NLGN1: variants seen among roughly 807,000 people sequenced by gnomAD.
NLGN1 encodes neuroligin-1.
NLGN1 carries 12 observed loss-of-function variants against 65.5 expected under a neutral mutation model. The ratio of observed to expected loss-of-function variants is 0.18; its 90% CI spans 0.12 to 0.30. NLGN1 has a LOEUF of 0.30. Ranked by LOEUF, NLGN1 falls within the 10% of genes least tolerant of loss-of-function variation. The probability of loss-of-function intolerance (pLI) is 1.00; values close to 1 mark genes in which losing one functional copy is unlikely to be tolerated. For missense variants in NLGN1, 750 were observed against 1,007.1 expected (o/e 0.74, Z 3.46); for synonymous variants, 350 against 359.5 (o/e 0.97, Z 0.30).
chr3:174,152,014 C>T (rs1444526827), intron 4 of NLGN1, among the ~76,000 whole-genome samples: 1 of 152,070 alleles, frequency 6.6e-6, no homozygotes, highest in Non-Finnish European at 1.5e-5. Flanking sequence ...TACCAAAACA[C>T]CTTTGCGTAT....
At chr3:173,729,957 T>A (rs1163018075) in intron 3 of NLGN1, among the ~76,000 whole-genome samples, 2 of 152,102 alleles carry the variant, frequency 1.3e-5, no homozygotes, top group African/African-American at 4.8e-5. Context: ...TCTGAATAGG[T>A]CAGTGAGGCA....
At chr3:173,514,474 G>T (rs1031978062) in intron 2 of NLGN1, among the ~76,000 whole-genome samples, 1 of 152,026 alleles carries the variant, frequency 6.6e-6, no homozygotes, top group African/African-American at 2.4e-5. Flanking sequence ...TTGTGAGTGA[G>T]AATTTATTTA....
intron 4 of NLGN1, among the ~76,000 whole-genome samples, chr3:173,837,983 C>T (rs776292642): frequency 2.6e-5 from 4 of 152,042 alleles, no homozygotes; most frequent in Non-Finnish European, 4.4e-5. Context: ...ACAAATGGCA[C>T]ACTTAAAGCT....
At chr3:174,000,285 C>T (rs980062108) in intron 4 of NLGN1, among the ~76,000 whole-genome samples, 3 of 152,154 alleles carry the variant, frequency 2.0e-5, no homozygotes, top group Non-Finnish European at 2.9e-5. Context: ...ATCCAATTTA[C>T]AGCAACTTGA....
intron 4 of NLGN1, among the ~76,000 whole-genome samples, chr3:174,076,716 AGAGAGAGAGTGTGT>A (rs1181501136): frequency 0.011 from 1,372 of 129,890 alleles, 10 homozygotes; most frequent in African/African-American, 0.034. Context: ...AGAGAGAGAG[AGAGAGAGAGTGTGT>A]GTGTGTGTGT....
intron 2 of NLGN1, among the ~76,000 whole-genome samples, chr3:173,529,896 C>G (rs572529992): frequency 6.6e-6 from 1 of 151,960 alleles, no homozygotes; most frequent in African/African-American, 2.4e-5. Flanking sequence ...GGTCAGGTGT[C>G]AGTGGTGTAG....
intron 4 of NLGN1, among the ~76,000 whole-genome samples, chr3:174,122,434 T>A (rs1353055175): frequency 6.6e-6 from 1 of 152,220 alleles, no homozygotes; most frequent in African/African-American, 2.4e-5. Flanking sequence ...TTTCTTGCTT[T>A]AACTGAAAGA....
In NLGN1 at chr3:174,066,560, C is replaced by CTGTGTGTGTG. The variant is rs1326570279; in HGVS notation, c.647-208754_647-208753insGTGTGTGTGT. 4.7e-4 allele frequency among the ~76,000 whole-genome samples: 63 copies of CTGTGTGTGTG among 133,952 alleles called. No homozygotes were observed. In the South Asian group the frequency reaches 5.7e-3, roughly 12 times the overall value. 87.9% of individuals were successfully genotyped at this position (133,952 alleles called of 152,430 possible). The stretch of plus-strand genomic sequence containing the variant: ...TCTCTCTCTCTCTCTCTCTCTCTCT[C>CTGTGTGTGTG]TCTCTGTGTGTGTGTGTGTGTGTGT... On this transcript the variant is annotated intron_variant, in intron 4 of 6. Coordinates refer to ENST00000457714, the Ensembl canonical transcript of NLGN1.
At chr3:173,687,374 A>G (rs1764837544) in intron 3 of NLGN1, among the ~76,000 whole-genome samples, 1 of 152,234 alleles carries the variant, frequency 6.6e-6, no homozygotes, top group Admixed American at 6.5e-5. Context: ...GTATGGCTTC[A>G]CTAGAAGATG....
chr3:173,399,376 C>T (rs1577274048), intron 1 of NLGN1, among the ~76,000 whole-genome samples: 1 of 152,190 alleles, frequency 6.6e-6, no homozygotes, highest in East Asian at 1.9e-4. Context: ...AGTTCCCGTC[C>T]TTCCCATTGT....
chr3:174,209,758 G>A (rs1239128130), intron 4 of NLGN1, among the ~76,000 whole-genome samples: 4 of 146,872 alleles, frequency 2.7e-5, no homozygotes, highest in Non-Finnish European at 5.9e-5. Context: ...TCAGCCTCCC[G>A]AGTAGCTGGG....
chr3:173,886,486 T>TA (rs1454628910), intron 4 of NLGN1, among the ~76,000 whole-genome samples: 1 of 152,096 alleles, frequency 6.6e-6, no homozygotes, highest in Non-Finnish European at 1.5e-5. Context: ...TACTAGTTAT[T>TA]ATTTTTCTTT....
chr3:174,064,219 A>C (rs1468544920), intron 4 of NLGN1, among the ~76,000 whole-genome samples: 1 of 152,110 alleles, frequency 6.6e-6, no homozygotes, highest in Non-Finnish European at 1.5e-5. Flanking sequence ...GGAAAAGCAT[A>C]TAGAAAGCTT....
intron 3 of NLGN1, among the ~76,000 whole-genome samples, chr3:173,665,073 A>T (rs990414892): frequency 6.6e-6 from 1 of 152,112 alleles, no homozygotes; most frequent in Non-Finnish European, 1.5e-5. Context: ...ATCTTGCTTC[A>T]TTTGTCAAAA....
chr3:173,465,813 G>A (rs1009018029), intron 2 of NLGN1, among the ~76,000 whole-genome samples: 1 of 152,168 alleles, frequency 6.6e-6, no homozygotes, highest in African/African-American at 2.4e-5. Context: ...CCAACATCTA[G>A]TGAGAAAGAA....
chr3:173,498,910 T>A (rs1730512732), intron 2 of NLGN1, among the ~76,000 whole-genome samples: 1 of 151,784 alleles, frequency 6.6e-6, no homozygotes, highest in Non-Finnish European at 1.5e-5. Flanking sequence ...TGTTTGTTTT[T>A]TTCTTGTAAA....
intron 4 of NLGN1, among the ~76,000 whole-genome samples, chr3:174,231,384 C>A (rs1303824562): frequency 1.3e-5 from 2 of 152,166 alleles, no homozygotes; most frequent in Non-Finnish European, 2.9e-5. Context: ...AGATTGGTTA[C>A]AGCTCAGCGT....
chr3:173,963,999 C>T (rs981145339), intron 4 of NLGN1, among the ~76,000 whole-genome samples: 4 of 152,048 alleles, frequency 2.6e-5, no homozygotes, highest in African/African-American at 7.2e-5. Flanking sequence ...TATCTCTGCA[C>T]AGGAGTGAAT....
At chr3:173,983,146 A>G (rs1188777228) in intron 4 of NLGN1, among the ~76,000 whole-genome samples, 2 of 152,026 alleles carry the variant, frequency 1.3e-5, no homozygotes, top group Non-Finnish European at 2.9e-5. Context: ...TCTCATAAGT[A>G]TTGTTAATTT....
Sources: allele counts gnomAD v4.1 joint callset (sites outside exome capture counted in the v4.1 genomes callset), GRCh38; gene constraint gnomAD v4.1.1; transcripts MANE v1.5; gene names NCBI Gene and HGNC (gene_info 2026-07-23, HGNC 2026-07-21).